The following SUCLG2 variants were observed in gnomAD, a reference collection of about 807,000 sequenced individuals.
The protein encoded by SUCLG2 is succinate--CoA ligase [GDP-forming] subunit beta, mitochondrial.
A neutral mutation model predicts 47.9 loss-of-function variants in SUCLG2; 42 were observed. The ratio of observed to expected loss-of-function variants is 0.88; its 90% CI spans 0.69 to 1.14. The LOEUF (loss-of-function observed/expected upper bound fraction) is 1.14, where lower values mean the gene tolerates loss of function less well. Ranked by LOEUF, SUCLG2 falls within the 50% of genes most tolerant of loss-of-function variation. The pLI is 0.00. For synonymous variants in SUCLG2, 195 were observed against 197.3 expected (o/e 0.99, Z 0.10); for missense variants, 571 against 525.9 (o/e 1.09, Z -0.84).
intron 10 of SUCLG2, among the ~76,000 whole-genome samples, chr3:67,366,504 C>T (rs78821235): frequency 0.033 from 5,047 of 152,248 alleles, 217 homozygotes; most frequent in East Asian, 0.2. Context: ...CTGCAGCTGC[C>T]ATGGTGCCAG....
At chr3:67,399,623 T>C (rs918294648) in intron 10 of SUCLG2, among the ~76,000 whole-genome samples, 10 of 152,228 alleles carry the variant, frequency 6.6e-5, no homozygotes, top group Admixed American at 1.3e-4. Flanking sequence ...AATGTGATTT[T>C]TTTTATATTG....
At chr3:67,491,399 T>A (rs987960192) in intron 9 of SUCLG2, among the ~76,000 whole-genome samples, 1 of 149,194 alleles carries the variant, frequency 6.7e-6, no homozygotes, top group Non-Finnish European at 1.5e-5. Context: ...AGTCTCGCTC[T>A]TGTCTCCCAG....
intron 6 of SUCLG2, among the ~76,000 whole-genome samples, chr3:67,516,080 C>G (rs1172097765): frequency 6.6e-6 from 1 of 152,132 alleles, no homozygotes; most frequent in Non-Finnish European, 1.5e-5. Flanking sequence ...TTTTCATTGT[C>G]TCTTTTCCCC....
chr3:67,412,023 C>T (rs939898907), intron 9 of SUCLG2, among the ~76,000 whole-genome samples: 1 of 152,138 alleles, frequency 6.6e-6, no homozygotes, highest in African/African-American at 2.4e-5. Context: ...TCTACACTGA[C>T]CAGCAGTATT....
At chr3:67,510,718 TTAAA>T (rs550619934) in intron 6 of SUCLG2, among the ~76,000 whole-genome samples, 46 of 152,314 alleles carry the variant, frequency 3.0e-4, no homozygotes, top group South Asian at 1.7e-3. Flanking sequence ...AACCTTTCAC[TTAAA>T]TAATGACCAA....
intron 10 of SUCLG2, among the ~76,000 whole-genome samples, chr3:67,366,281 G>A (rs1433677445): frequency 6.6e-6 from 1 of 152,036 alleles, no homozygotes; most frequent in Non-Finnish European, 1.5e-5. Context: ...CTAACACAGT[G>A]ATACCCTATC....
intron 9 of SUCLG2, among the ~76,000 whole-genome samples, chr3:67,410,430 A>G (rs1267465932): frequency 6.6e-6 from 1 of 152,192 alleles, no homozygotes. Context: ...ATAAATAGGA[A>G]AAGGAGACAA....
At chr3:67,390,043 A>T (rs949189620) in intron 10 of SUCLG2, among the ~76,000 whole-genome samples, 2 of 152,212 alleles carry the variant, frequency 1.3e-5, no homozygotes, top group African/African-American at 2.4e-5. Context: ...ATGGTACATA[A>T]TTTTTATTGC....
At chr3:67,622,000 G>A (rs564121551) in intron 1 of SUCLG2, among the ~76,000 whole-genome samples, 1 of 152,150 alleles carries the variant, frequency 6.6e-6, no homozygotes, top group Admixed American at 6.5e-5. Flanking sequence ...ATCAATCTCA[G>A]CGGGCAACAG....
intron 1 of SUCLG2, among the ~76,000 whole-genome samples, chr3:67,618,420 A>G (rs975979166): frequency 1.3e-5 from 2 of 152,178 alleles, no homozygotes; most frequent in Non-Finnish European, 2.9e-5. Context: ...TCTGTCTCAA[A>G]AAGAAAAAAT....
chr3:67,491,897 C>T (rs1258734681), intron 9 of SUCLG2, among the ~76,000 whole-genome samples: 1 of 152,086 alleles, frequency 6.6e-6, no homozygotes, highest in African/African-American at 2.4e-5. Context: ...GCTATTATTA[C>T]CACTTTATAA....
At chr3:67,440,169 G>C (rs746400955) in intron 9 of SUCLG2, among the ~76,000 whole-genome samples, 10 of 152,092 alleles carry the variant, frequency 6.6e-5, no homozygotes, top group Non-Finnish European at 7.3e-5. Flanking sequence ...TGGAAAACTG[G>C]CTAGCCATAT....
chr3:67,413,830 T>G (rs1358599968), intron 9 of SUCLG2, among the ~76,000 whole-genome samples: 1 of 152,226 alleles, frequency 6.6e-6, no homozygotes, highest in Non-Finnish European at 1.5e-5. Context: ...GTAACTCTCC[T>G]TTATTCTCTG....
chr3:67,472,756 TGTAGG>T (rs1240807036), intron 9 of SUCLG2, among the ~76,000 whole-genome samples: 8 of 152,144 alleles, frequency 5.3e-5, no homozygotes, highest in Non-Finnish European at 1.0e-4. Context: ...AACTTGTAGG[TGTAGG>T]GTTAAAAAAA....
intron 10 of SUCLG2, among the ~76,000 whole-genome samples, chr3:67,364,844 G>A (rs1701855409): frequency 6.6e-6 from 1 of 152,174 alleles, no homozygotes; most frequent in Non-Finnish European, 1.5e-5. Flanking sequence ...GAGATGACAG[G>A]AATGGCAGAA....
At chr3:67,620,534 G>A (rs184965464) in intron 1 of SUCLG2, among the ~76,000 whole-genome samples, 6 of 128,498 alleles carry the variant, frequency 4.7e-5, no homozygotes, top group East Asian at 2.4e-4. Context: ...GCAGTGAAAC[G>A]AGAATGCACC....
intron 2 of SUCLG2, among the ~76,000 whole-genome samples, chr3:67,589,301 A>C (rs1708098602): frequency 1.3e-5 from 2 of 152,218 alleles, no homozygotes; most frequent in African/African-American, 4.8e-5. Flanking sequence ...TTATATTGTA[A>C]GTCTTTACAT....
At chr3:67,464,443 A>G (rs182521715) in intron 9 of SUCLG2, among the ~76,000 whole-genome samples, 16 of 152,326 alleles carry the variant, frequency 1.1e-4, no homozygotes, top group African/African-American at 3.8e-4. Context: ...CATCATGGCT[A>G]TGATTTTACA....
chr3:67,561,817 T>C (rs1707315115), intron 2 of SUCLG2, among the ~76,000 whole-genome samples: 1 of 152,218 alleles, frequency 6.6e-6, no homozygotes, highest in Admixed American at 6.5e-5. Context: ...TTCCTGTACA[T>C]ACCAGTTCAA....
Sources: allele counts gnomAD v4.1 joint callset (sites outside exome capture counted in the v4.1 genomes callset), GRCh38; gene constraint gnomAD v4.1.1; transcripts MANE v1.5; gene names NCBI Gene and HGNC (gene_info 2026-07-23, HGNC 2026-07-21).